The following CTNNA3 variants were observed in gnomAD, a reference collection of about 807,000 sequenced individuals.
CTNNA3 encodes catenin alpha-3.
In CTNNA3, 76 loss-of-function variants were observed where a neutral mutation model predicts 95.7. The observed-to-expected ratio is 0.79, with a 90% CI of 0.66 to 0.96. The LOEUF (loss-of-function observed/expected upper bound fraction) is 0.96, where lower values mean the gene tolerates loss of function less well. Ranked by LOEUF, CTNNA3 falls within the 40% of genes least tolerant of loss-of-function variation. The pLI is 0.00. For synonymous variants in CTNNA3, 431 were observed against 374.4 expected (o/e 1.15, Z -1.74); for missense variants, 1,191 against 1,089.8 (o/e 1.09, Z -1.31).
intron 10 of CTNNA3, among the ~76,000 whole-genome samples, chr10:66,597,461 G>C (rs1467302156): frequency 7.0e-6 from 1 of 141,856 alleles, no homozygotes; most frequent in African/African-American, 2.6e-5. Flanking sequence ...AGGATCACTT[G>C]AGCCCAGGAG....
At chr10:67,200,397 CA>C (rs1411210321) in intron 6 of CTNNA3, among the ~76,000 whole-genome samples, 1 of 152,106 alleles carries the variant, frequency 6.6e-6, no homozygotes, top group African/African-American at 2.4e-5. Flanking sequence ...TAAAGAAAGG[CA>C]GTTTAATACT....
At chr10:67,317,567 A>G (rs1189626450) in intron 5 of CTNNA3, among the ~76,000 whole-genome samples, 1 of 152,026 alleles carries the variant, frequency 6.6e-6, no homozygotes, top group Non-Finnish European at 1.5e-5. Flanking sequence ...CTGGGACTAC[A>G]GGCACCCATC....
At chr10:66,459,996 A>AT (rs915088432) in intron 11 of CTNNA3, among the ~76,000 whole-genome samples, 1 of 152,012 alleles carries the variant, frequency 6.6e-6, no homozygotes, top group African/African-American at 2.4e-5. Flanking sequence ...CAGATCTAAC[A>AT]TTTTTTTCTT....
intron 7 of CTNNA3, among the ~76,000 whole-genome samples, chr10:67,143,425 T>TAAAAAAAA (rs61603392): frequency 6.1e-4 from 46 of 75,980 alleles, no homozygotes; most frequent in South Asian, 3.6e-3. Flanking sequence ...GGCTCTGTCT[T>TAAAAAAAA]AAAAAAAAAA....
intron 9 of CTNNA3, among the ~76,000 whole-genome samples, chr10:66,626,011 C>T (rs1844922355): frequency 6.6e-6 from 1 of 152,128 alleles, no homozygotes; most frequent in African/African-American, 2.4e-5. Flanking sequence ...TAAAAAAGAT[C>T]TACCATACTA....
At chr10:66,744,341 A>C (rs1443358551) in intron 9 of CTNNA3, among the ~76,000 whole-genome samples, 4 of 152,184 alleles carry the variant, frequency 2.6e-5, no homozygotes, top group Non-Finnish European at 5.9e-5. Flanking sequence ...TTTGCACATG[A>C]CATTCTAATT....
intron 15 of CTNNA3, among the ~76,000 whole-genome samples, chr10:65,998,424 C>T (rs1284655463): frequency 6.6e-6 from 1 of 152,108 alleles, no homozygotes; most frequent in East Asian, 1.9e-4. Context: ...TGTAGCTGTT[C>T]CATCCATTTA....
intron 8 of CTNNA3, among the ~76,000 whole-genome samples, chr10:66,767,866 A>T (rs1212573980): frequency 6.6e-6 from 1 of 152,244 alleles, no homozygotes; most frequent in Non-Finnish European, 1.5e-5. Flanking sequence ...TCAACAATTT[A>T]AGAAAGGCTT....
intron 11 of CTNNA3, among the ~76,000 whole-genome samples, chr10:66,409,269 T>C (rs2093081708): frequency 6.6e-6 from 1 of 152,104 alleles, no homozygotes; most frequent in Non-Finnish European, 1.5e-5. Context: ...AAGAGAAATT[T>C]TGGGATTTGA....
intron 11 of CTNNA3, among the ~76,000 whole-genome samples, chr10:66,440,664 G>A (rs1319007749): frequency 6.6e-6 from 1 of 152,028 alleles, no homozygotes; most frequent in Admixed American, 6.6e-5. Context: ...TGAGAATAGG[G>A]TAGTAGTTAA....
At chr10:67,305,002 T>C (rs866291084) in intron 5 of CTNNA3, among the ~76,000 whole-genome samples, 21 of 152,028 alleles carry the variant, frequency 1.4e-4, no homozygotes, top group South Asian at 2.1e-4. Flanking sequence ...TTAGGCTGGG[T>C]GCGGTGGCTC....
rs182938149 is a variant in CTNNA3, at chr10:66,280,374, T to G, written c.1884+96A>C. 296 of 1,090,246 alleles carry G rather than the reference T, an allele frequency of 2.7e-4. 2 individuals are homozygous for G. In the African/African-American group the frequency reaches 4.1e-3, roughly 15 times the overall value. 67.5% of individuals were successfully genotyped at this position (1,090,246 alleles called of 1,614,324 possible). A position where few individuals can be genotyped will look rare whatever the true frequency, so the allele number is the denominator to read the frequency against. On this transcript the variant is annotated intron_variant, in intron 13 of 17. Transcript: ENST00000433211. ...TTTTAATAGATTTCAGCATTGACAT[T>G]ACAGCATAGAAATAAAGCATTTCTT...
At chr10:67,059,012 C>T (rs1167030386) in intron 7 of CTNNA3, among the ~76,000 whole-genome samples, 1 of 152,148 alleles carries the variant, frequency 6.6e-6, no homozygotes, top group Admixed American at 6.5e-5. Flanking sequence ...TCTTTAAATT[C>T]TGCTAATGCA....
intron 9 of CTNNA3, among the ~76,000 whole-genome samples, chr10:66,725,559 C>G (rs1332296495): frequency 1.3e-5 from 2 of 152,080 alleles, no homozygotes; most frequent in African/African-American, 4.8e-5. Context: ...CCTCTGTCAA[C>G]TTAGAATCAA....
intron 5 of CTNNA3, among the ~76,000 whole-genome samples, chr10:67,430,624 G>A (rs1364056387): frequency 6.6e-6 from 1 of 151,768 alleles, no homozygotes; most frequent in Non-Finnish European, 1.5e-5. Context: ...CTCAGGTCCA[G>A]GTCATTCATT....
chr10:67,087,547 TAA>T (rs1857374333), intron 7 of CTNNA3, among the ~76,000 whole-genome samples: 1 of 151,670 alleles, frequency 6.6e-6, no homozygotes, highest in South Asian at 2.1e-4. Context: ...TAAAATAAAA[TAA>T]AGTTTTAAAT....
chr10:66,777,762 TACACACACACACAC>T (rs372712619), intron 7 of CTNNA3, among the ~76,000 whole-genome samples: 1 of 136,870 alleles, frequency 7.3e-6, no homozygotes, highest in East Asian at 2.1e-4. Context: ...AGAGACCTCC[TACACACACACACAC>T]ACACACACAC....
intron 5 of CTNNA3, among the ~76,000 whole-genome samples, chr10:67,354,011 T>C (rs1842725642): frequency 6.6e-6 from 1 of 152,024 alleles, no homozygotes; most frequent in Admixed American, 6.6e-5. Context: ...TCCGCCTCCA[T>C]TCTTGGTCCC....
chr10:66,862,345 TAC>T (rs1171957465), intron 7 of CTNNA3, among the ~76,000 whole-genome samples: 2 of 152,230 alleles, frequency 1.3e-5, no homozygotes, highest in African/African-American at 4.8e-5. Context: ...TGCCTAAAGT[TAC>T]AGTTTCTAAG....
Sources: gnomAD v4.1 joint callset for allele counts (sites outside exome capture counted in the v4.1 genomes callset) on GRCh38, gnomAD v4.1.1 for gene constraint, MANE v1.5 for transcripts, NCBI Gene and HGNC (gene_info 2026-07-23, HGNC 2026-07-21) for gene names.